The following FAM83B variants were observed in gnomAD, a reference collection of about 807,000 sequenced individuals.
FAM83B encodes the protein protein FAM83B.
Under a neutral mutation model 38.8 loss-of-function variants are expected in FAM83B, and 26 were observed. That is an observed-to-expected ratio of 0.67 (90% CI 0.49 to 0.93). FAM83B has a LOEUF of 0.93. Ranked by LOEUF, FAM83B falls within the 40% of genes least tolerant of loss-of-function variation. The pLI is 0.00. For synonymous variants in FAM83B, 419 were observed against 423.1 expected, an observed-to-expected ratio of 0.99 and a Z score of 0.12; for missense variants, 1,237 against 1,197.3, an observed-to-expected ratio of 1.03 and a Z score of -0.49.
chr6:54,854,794 C>G (rs921422680), intron 1 of FAM83B, among the ~76,000 whole-genome samples: 2 of 152,152 alleles, frequency 1.3e-5, no homozygotes, highest in African/African-American at 4.8e-5. Flanking sequence ...TATTCTAATA[C>G]AAGTCAAATT....
At chr6:54,905,551 A>G (rs1264118605) in intron 2 of FAM83B, among the ~76,000 whole-genome samples, 5 of 152,178 alleles carry the variant, frequency 3.3e-5, no homozygotes, top group African/African-American at 7.2e-5. Context: ...ACAATACATT[A>G]TTATGAACTA....
chr6:54,895,611 T>C (rs770083011), intron 2 of FAM83B, among the ~76,000 whole-genome samples: 2 of 152,196 alleles, frequency 1.3e-5, no homozygotes, highest in Non-Finnish European at 2.9e-5. Flanking sequence ...ATATGTGAAG[T>C]TGACATTCAT....
At position 54,942,406 on chromosome 6, in the gene FAM83B, A is replaced by T. The variant is rs999752945; in HGVS notation, c.*399A>T. Reference sequence around the variant, plus strand: ...TATAACATGTGTTTATAGTGTTTTCATATCTTCAAAAATATAAGCAAATGG... The same window carrying T: ...TATAACATGTGTTTATAGTGTTTTCTTATCTTCAAAAATATAAGCAAATGG... On this transcript the variant is annotated 3_prime_UTR_variant, in exon 5 of 5. Coordinates refer to ENST00000306858, the MANE Select transcript of FAM83B (RefSeq NM_001010872.3). Among the ~76,000 whole-genome samples, 29 of 152,246 alleles carry T rather than the reference A, an allele frequency of 1.9e-4. No homozygotes were observed. Among genetic ancestry groups the T allele is most frequent in the Non-Finnish European group, 4.0e-4 (27 of 68,014 alleles).
At chr6:54,860,588 G>T (rs566433608) in intron 1 of FAM83B, among the ~76,000 whole-genome samples, 5 of 152,268 alleles carry the variant, frequency 3.3e-5, no homozygotes, top group African/African-American at 9.6e-5. Context: ...TATCAATAAA[G>T]AGATCTATGG....
intron 1 of FAM83B, among the ~76,000 whole-genome samples, chr6:54,854,658 A>G (rs968423309): frequency 6.6e-6 from 1 of 152,248 alleles, no homozygotes; most frequent in African/African-American, 2.4e-5. Flanking sequence ...CATAACTTAT[A>G]TATGCACTGG....
At chr6:54,894,583 T>TA (rs1346053613) in intron 2 of FAM83B, among the ~76,000 whole-genome samples, 2 of 152,188 alleles carry the variant, frequency 1.3e-5, no homozygotes, top group Non-Finnish European at 2.9e-5. Context: ...TATGCCATCT[T>TA]AGGGAACCTA....
intron 1 of FAM83B, among the ~76,000 whole-genome samples, chr6:54,848,091 G>GT (rs1299014332): frequency 7.3e-5 from 5 of 68,234 alleles, no homozygotes; most frequent in African/African-American, 3.5e-4. Context: ...GGGGTTTTTT[G>GT]TTTTTTATTG....
intron 2 of FAM83B, among the ~76,000 whole-genome samples, chr6:54,916,017 C>A (rs1773029248): frequency 6.6e-6 from 1 of 152,120 alleles, no homozygotes; most frequent in Non-Finnish European, 1.5e-5. Flanking sequence ...TTTACCATTA[C>A]AATCTTTCTA....
At chr6:54,899,601 G>T (rs1243851145) in intron 2 of FAM83B, among the ~76,000 whole-genome samples, 1 of 152,114 alleles carries the variant, frequency 6.6e-6, no homozygotes, top group Non-Finnish European at 1.5e-5. Flanking sequence ...TCTGGTGAGG[G>T]TCCACTTCCT....
At position 54,940,670 on chromosome 6, in the gene FAM83B, A is replaced by G. The variant is rs1488970542; in HGVS notation, c.1699A>G (p.Thr567Ala). 3 of 1,613,936 alleles carry G rather than the reference A, an allele frequency of 1.9e-6. No homozygotes were observed. Among genetic ancestry groups the G allele is most frequent in the African/African-American group, 1.3e-5 (1 of 74,906 alleles). Residue 567 changes from threonine (T) to alanine (A), a missense_variant, in exon 5 of 5, where the codon ACT (threonine) becomes GCT (alanine). Coordinates refer to ENST00000306858, the MANE Select transcript of FAM83B (RefSeq NM_001010872.3). ...NSCTTGSSNS[T>A]IIGSQGSETP... ...TTGTACAACTGGCTCCTCAAATTCAACTATCATTGGTTCTCAGGGAAGTGA... is the reference window on the plus strand; with the variant it reads ...TTGTACAACTGGCTCCTCAAATTCAGCTATCATTGGTTCTCAGGGAAGTGA...
At chr6:54,848,929 C>A (rs1057259135) in intron 1 of FAM83B, among the ~76,000 whole-genome samples, 19 of 152,200 alleles carry the variant, frequency 1.2e-4, no homozygotes, top group Non-Finnish European at 2.4e-4. Flanking sequence ...GCACGTCTGT[C>A]CCTTTATAAG....
chr6:54,919,739 G>T (rs1045499926), intron 2 of FAM83B, among the ~76,000 whole-genome samples: 1 of 151,878 alleles, frequency 6.6e-6, no homozygotes, highest in African/African-American at 2.4e-5. Context: ...ATATATAAAT[G>T]AAACCCTGTA....
intron 2 of FAM83B, among the ~76,000 whole-genome samples, chr6:54,902,313 C>T (rs1212273694): frequency 5.9e-5 from 9 of 152,142 alleles, no homozygotes; most frequent in Admixed American, 2.0e-4. Context: ...CTCAGCCTCC[C>T]GAGTAGCTGG....
rs1385023896 is a variant in FAM83B, at chr6:54,941,489, G to C, written c.2518G>C (p.Gly840Arg). ...GCATTCTTCCTCATCGAATTCTCAA[G>C]GCAGCATCCACAAGAGTAAGGAAGA... ...RKHSSSSNSQ[G>R]SIHKSKEDVT... Residue 840 changes from glycine (G) to arginine (R), a missense_variant, in exon 5 of 5, where the codon GGC becomes CGC. Coordinates refer to ENST00000306858, the MANE Select transcript of FAM83B (RefSeq NM_001010872.3). 1 of 1,613,960 alleles carries C rather than the reference G, an allele frequency of 6.2e-7. No homozygotes were observed. The highest frequency in any genetic ancestry group is 1.7e-5 in the Admixed American group (1 of 59,964).
At chr6:54,937,202 G>A (rs555550122) in intron 4 of FAM83B, among the ~76,000 whole-genome samples, 1 of 151,396 alleles carries the variant, frequency 6.6e-6, no homozygotes, top group Non-Finnish European at 1.5e-5. Context: ...TAGCATAATA[G>A]CAATTCATTT....
intron 2 of FAM83B, among the ~76,000 whole-genome samples, chr6:54,901,448 T>C (rs968740373): frequency 6.6e-6 from 1 of 152,196 alleles, no homozygotes; most frequent in Non-Finnish European, 1.5e-5. Flanking sequence ...AGCCATTATG[T>C]TAAAGAATTT....
chr6:54,941,934 C>T lies in FAM83B; in HGVS notation c.2963C>T (p.Ser988Leu), dbSNP rs1773714255. The T allele has an allele frequency of 1.9e-6, 3 of 1,613,760 alleles. No individual in the cohort carries two copies. The highest frequency in any genetic ancestry group is 4.5e-5 in the East Asian group (2 of 44,870). The stretch of plus-strand genomic sequence containing the variant: ...AATTACAACACTGGTGTTTATCGCT[C>T]ATATCAACCCAATGAGAACAAGTTT... ...LLNYNTGVYR[S>L]YQPNENKFRG... Residue 988 changes from serine to leucine, a missense_variant, in exon 5 of 5, where the codon TCA becomes TTA. Coordinates refer to ENST00000306858, the MANE Select transcript of FAM83B (RefSeq NM_001010872.3).
At chr6:54,920,390 T>A (rs1773142734) in intron 2 of FAM83B, among the ~76,000 whole-genome samples, 1 of 151,866 alleles carries the variant, frequency 6.6e-6, no homozygotes, top group African/African-American at 2.4e-5. Flanking sequence ...AAAAAATAAA[T>A]CCTCCTATCT....
At chr6:54,894,671 A>G (rs1772488339) in intron 2 of FAM83B, among the ~76,000 whole-genome samples, 1 of 152,182 alleles carries the variant, frequency 6.6e-6, no homozygotes, top group African/African-American at 2.4e-5. Flanking sequence ...AATAGAATAC[A>G]AAGCCTGCTA....
Sources: gnomAD v4.1 joint callset for allele counts (sites outside exome capture counted in the v4.1 genomes callset) on GRCh38, gnomAD v4.1.1 for gene constraint, MANE v1.5 for transcripts, NCBI Gene and HGNC (gene_info 2026-07-23, HGNC 2026-07-21) for gene names.